The following CSMD1 variants were observed in gnomAD, a reference collection of about 807,000 sequenced individuals.
CSMD1 encodes CUB and Sushi multiple domains 1, also known as CUB and sushi domain-containing protein 1.
In CSMD1, 213 loss-of-function variants were observed where a neutral mutation model predicts 417.5. The ratio of observed to expected loss-of-function variants is 0.51; its 90% CI spans 0.46 to 0.57. CSMD1 has a LOEUF of 0.57. Ranked by LOEUF, CSMD1 falls within the 20% of genes least tolerant of loss-of-function variation. The pLI is 0.00. For synonymous variants in CSMD1, 2,862 were observed against 1,736.8 expected, an observed-to-expected ratio of 1.65 and a Z score of -16.11; for missense variants, 6,923 against 4,529.7, an observed-to-expected ratio of 1.53 and a Z score of -15.17.
At chr8:3,956,635 T>G (rs1366919217) in intron 5 of CSMD1, among the ~76,000 whole-genome samples, 1 of 152,236 alleles carries the variant, frequency 6.6e-6, no homozygotes, top group Non-Finnish European at 1.5e-5. Flanking sequence ...AAAATGTTGT[T>G]ATTTTCATTT....
At chr8:4,459,659 T>C (rs978176394) in intron 2 of CSMD1, among the ~76,000 whole-genome samples, 8 of 152,138 alleles carry the variant, frequency 5.3e-5, no homozygotes, top group African/African-American at 1.7e-4. Flanking sequence ...GCCTCAAAAA[T>C]ATCTCCTGCA....
chr8:4,116,994 G>A (rs919356371), intron 3 of CSMD1, among the ~76,000 whole-genome samples: 1 of 151,986 alleles, frequency 6.6e-6, no homozygotes, highest in African/African-American at 2.4e-5. Context: ...ACTATCTTCA[G>A]TAAGATGGCC....
chr8:3,293,787 C>G (rs551093446), intron 25 of CSMD1, among the ~76,000 whole-genome samples: 2 of 152,318 alleles, frequency 1.3e-5, no homozygotes, highest in South Asian at 2.1e-4. Context: ...CCTCCTGTAG[C>G]TCAGAGTAGT....
At chr8:4,628,685 T>C (rs1332643927) in intron 2 of CSMD1, among the ~76,000 whole-genome samples, 1 of 151,708 alleles carries the variant, frequency 6.6e-6, no homozygotes, top group Admixed American at 6.6e-5. Context: ...ATGAAGGCAG[T>C]ATTTTTACCT....
At chr8:4,684,874 T>C (rs768505061) in intron 1 of CSMD1, among the ~76,000 whole-genome samples, 9 of 152,216 alleles carry the variant, frequency 5.9e-5, no homozygotes, top group Non-Finnish European at 1.2e-4. Context: ...TCTTTCTTCT[T>C]CTACTAATCA....
chr8:4,421,951 T>A (rs548619766), intron 2 of CSMD1, among the ~76,000 whole-genome samples: 2 of 152,034 alleles, frequency 1.3e-5, no homozygotes, highest in African/African-American at 4.8e-5. Flanking sequence ...AGAGTCACTG[T>A]CATTAAACAT....
intron 29 of CSMD1, among the ~76,000 whole-genome samples, chr8:3,216,657 G>A (rs1351549835): frequency 1.3e-5 from 2 of 152,122 alleles, no homozygotes; most frequent in Admixed American, 6.6e-5. Context: ...TAAATCACTG[G>A]CACATTTTTT....
intron 6 of CSMD1, among the ~76,000 whole-genome samples, chr8:3,714,061 T>TA (rs55760201): frequency 3.6e-4 from 55 of 150,768 alleles, no homozygotes; most frequent in African/African-American, 9.9e-4. Flanking sequence ...GATAGATAGA[T>TA]GTCCACATAC....
intron 1 of CSMD1, among the ~76,000 whole-genome samples, chr8:4,644,793 C>T (rs1403967073): frequency 6.6e-6 from 1 of 152,226 alleles, no homozygotes; most frequent in Admixed American, 6.5e-5. Context: ...TCTCTTTCTA[C>T]ACTAAAATGT....
chr8:3,522,434 G>T (rs948009421), intron 10 of CSMD1, among the ~76,000 whole-genome samples: 2 of 152,094 alleles, frequency 1.3e-5, no homozygotes, highest in East Asian at 1.9e-4. Flanking sequence ...CAGCAGCTTC[G>T]ATTTCTCCAG....
At chr8:3,609,933 C>A (rs770863992) in intron 8 of CSMD1, among the ~76,000 whole-genome samples, 17 of 143,900 alleles carry the variant, frequency 1.2e-4, no homozygotes, top group Non-Finnish European at 2.4e-4. Context: ...TCCCAAGTAG[C>A]TGGGACTACG....
chr8:4,843,467 G>T (rs1391612572), intron 1 of CSMD1, among the ~76,000 whole-genome samples: 2 of 152,024 alleles, frequency 1.3e-5, no homozygotes, highest in Non-Finnish European at 2.9e-5. Flanking sequence ...AACCGAGAGA[G>T]AAATTGTGTG....
At chr8:3,835,549 C>G (rs980376478) in intron 5 of CSMD1, among the ~76,000 whole-genome samples, 2 of 151,932 alleles carry the variant, frequency 1.3e-5, no homozygotes, top group African/African-American at 2.4e-5. Flanking sequence ...AAGGGAACAT[C>G]GCACCTCAGG....
intron 3 of CSMD1, among the ~76,000 whole-genome samples, chr8:4,186,352 G>C (rs1240797220): frequency 6.6e-6 from 1 of 152,090 alleles, no homozygotes; most frequent in African/African-American, 2.4e-5. Flanking sequence ...GCCCTGGGCT[G>C]ATTCCTATCT....
At chr8:4,422,279 G>T (rs1797290455) in intron 2 of CSMD1, among the ~76,000 whole-genome samples, 1 of 152,036 alleles carries the variant, frequency 6.6e-6, no homozygotes, top group Non-Finnish European at 1.5e-5. Flanking sequence ...TGCTTTTGTA[G>T]TAATTTTGTG....
intron 7 of CSMD1, among the ~76,000 whole-genome samples, chr8:3,673,373 A>C (rs1450656379): frequency 6.6e-6 from 1 of 152,206 alleles, no homozygotes; most frequent in South Asian, 2.1e-4. Flanking sequence ...TCAGTATTGG[A>C]AAATTAGCAA....
At chr8:4,369,090 A>G (rs549844035) in intron 3 of CSMD1, among the ~76,000 whole-genome samples, 1 of 152,080 alleles carries the variant, frequency 6.6e-6, no homozygotes. Context: ...TTAAGTGCTA[A>G]AAACTTTCCT....
chr8:4,240,638 C>A (rs1003735527), intron 3 of CSMD1, among the ~76,000 whole-genome samples: 4 of 152,146 alleles, frequency 2.6e-5, no homozygotes, highest in Non-Finnish European at 5.9e-5. Context: ...ATTCCCAGTG[C>A]CTTTCAACAA....
intron 49 of CSMD1, among the ~76,000 whole-genome samples, chr8:3,084,077 G>C (rs555446783): frequency 2.6e-5 from 4 of 152,238 alleles, no homozygotes; most frequent in Admixed American, 6.5e-5. Context: ...CAACATATCT[G>C]TGAGTGGATG....
Sources: allele counts gnomAD v4.1 joint callset (sites outside exome capture counted in the v4.1 genomes callset), GRCh38; gene constraint gnomAD v4.1.1; transcripts MANE v1.5; gene names NCBI Gene and HGNC (gene_info 2026-07-23, HGNC 2026-07-21).